The following FSTL5 variants were observed in gnomAD, a reference collection of about 807,000 sequenced individuals.
FSTL5 encodes follistatin-related protein 5.
In FSTL5, 62 loss-of-function variants were observed where a neutral mutation model predicts 89.1. The ratio of observed to expected loss-of-function variants is 0.70; its 90% CI spans 0.57 to 0.86. The LOEUF is 0.86. Among genes scored for constraint, FSTL5 ranks in the 40% least tolerant of loss-of-function variants. The pLI is 0.00. For missense variants in FSTL5, 1,057 were observed against 1,001.6 expected, an observed-to-expected ratio of 1.06 and a Z score of -0.75; for synonymous variants, 383 against 346.2, an observed-to-expected ratio of 1.11 and a Z score of -1.18.
chr4:161,962,320 A>C (rs1453397206), intron 3 of FSTL5, among the ~76,000 whole-genome samples: 1 of 151,962 alleles, frequency 6.6e-6, no homozygotes, highest in Non-Finnish European at 1.5e-5. Context: ...TGTCTCAGAA[A>C]CTTGCATGGC....
At chr4:161,829,341 G>GA (rs1012528004) in intron 4 of FSTL5, among the ~76,000 whole-genome samples, 4 of 149,654 alleles carry the variant, frequency 2.7e-5, no homozygotes, top group Admixed American at 6.7e-5. Flanking sequence ...AAAGCTAAAA[G>GA]AAAAAAAATG....
chr4:161,927,275 T>G (rs1201690171), intron 3 of FSTL5, among the ~76,000 whole-genome samples: 1 of 151,746 alleles, frequency 6.6e-6, no homozygotes, highest in Non-Finnish European at 1.5e-5. Context: ...TATTTCAGGC[T>G]TTGGAATAAA....
intron 7 of FSTL5, among the ~76,000 whole-genome samples, chr4:161,645,065 A>G (rs1736106222): frequency 6.6e-6 from 1 of 152,186 alleles, no homozygotes; most frequent in Admixed American, 6.5e-5. Flanking sequence ...TGCATATTCA[A>G]ATAAAAAAAT....
At chr4:161,882,135 T>C (rs2126911788) in intron 4 of FSTL5, among the ~76,000 whole-genome samples, 1 of 152,222 alleles carries the variant, frequency 6.6e-6, no homozygotes, top group South Asian at 2.1e-4. Flanking sequence ...ATACTCAATC[T>C]AATATATTAA....
intron 3 of FSTL5, among the ~76,000 whole-genome samples, chr4:161,992,039 C>T (rs1371835137): frequency 6.6e-6 from 1 of 152,030 alleles, no homozygotes; most frequent in Non-Finnish European, 1.5e-5. Flanking sequence ...ATCAAGGAGG[C>T]GGTGTGGCAG....
chr4:161,550,954 G>A (rs1207250100), intron 8 of FSTL5, among the ~76,000 whole-genome samples: 24 of 151,598 alleles, frequency 1.6e-4, no homozygotes, highest in African/African-American at 5.8e-4. Flanking sequence ...TGGTGTATAT[G>A]TGCCACATTT....
chr4:161,692,349 T>TGTGC (rs1225841458), intron 6 of FSTL5, among the ~76,000 whole-genome samples: 2 of 151,512 alleles, frequency 1.3e-5, no homozygotes, highest in Non-Finnish European at 2.9e-5. Flanking sequence ...ATCGTGTGTG[T>TGTGC]GTGTGTGTGT....
intron 4 of FSTL5, among the ~76,000 whole-genome samples, chr4:161,854,685 C>G (rs142405288): frequency 4.5e-4 from 68 of 152,122 alleles, no homozygotes; most frequent in African/African-American, 1.6e-3. Context: ...AAAATACTAG[C>G]TGGCTTCATG....
chr4:161,838,345 C>A (rs1287053677), intron 4 of FSTL5, among the ~76,000 whole-genome samples: 1 of 152,188 alleles, frequency 6.6e-6, no homozygotes, highest in Non-Finnish European at 1.5e-5. Context: ...GAGGCGTGAT[C>A]TCAGATCACT....
intron 5 of FSTL5, 82 bp downstream of exon 5, chr4:161,775,796 A>C: frequency 1.4e-6 from 1 of 699,428 alleles, no homozygotes; most frequent in Non-Finnish European, 2.2e-6. Flanking sequence ...ACATTTTTTC[A>C]TTATAGAGTA....
intron 4 of FSTL5, among the ~76,000 whole-genome samples, chr4:161,793,258 T>A (rs1305175673): frequency 6.6e-6 from 1 of 152,148 alleles, no homozygotes; most frequent in East Asian, 1.9e-4. Context: ...GGCTCACCCT[T>A]GGCAGGTATG....
chr4:161,496,252 C>T (rs1369019213), intron 12 of FSTL5, among the ~76,000 whole-genome samples: 1 of 152,084 alleles, frequency 6.6e-6, no homozygotes, highest in Non-Finnish European at 1.5e-5. Context: ...AGAATACAAA[C>T]ACTAATCAAA....
At chr4:161,889,774 T>C (rs1732928452) in intron 4 of FSTL5, among the ~76,000 whole-genome samples, 1 of 152,240 alleles carries the variant, frequency 6.6e-6, no homozygotes, top group Admixed American at 6.5e-5. Flanking sequence ...TGAAACATGA[T>C]AGAAACTTGT....
At chr4:161,750,113 T>C (rs1267198843) in intron 6 of FSTL5, among the ~76,000 whole-genome samples, 1 of 152,194 alleles carries the variant, frequency 6.6e-6, no homozygotes, top group Non-Finnish European at 1.5e-5. Flanking sequence ...TTCATTTTAG[T>C]ATATGTTTTT....
chr4:161,543,414 A>T (rs1463638881), intron 8 of FSTL5, among the ~76,000 whole-genome samples: 1 of 152,048 alleles, frequency 6.6e-6, no homozygotes, highest in Non-Finnish European at 1.5e-5. Flanking sequence ...AGAAAAACAA[A>T]GGTACAGTGT....
At chr4:161,898,355 T>C (rs1334992594) in intron 4 of FSTL5, among the ~76,000 whole-genome samples, 3 of 151,678 alleles carry the variant, frequency 2.0e-5, no homozygotes, top group African/African-American at 7.2e-5. Flanking sequence ...CTATAAACAC[T>C]TGAGTGCAGG....
In FSTL5 at chr4:161,529,816, TTCTA is replaced by T. The variant is rs1324585865; in HGVS notation, c.1312+8346_1312+8349del. On this transcript the variant is annotated intron_variant, in intron 10 of 15. Transcript: ENST00000306100. ...TATGGATTTTTGCTGTATGTTATTATTCTATCTATCTCACAGTTATTGAGTGTAA... is the reference window on the plus strand; with the variant it reads ...TATGGATTTTTGCTGTATGTTATTATTCTATCTCACAGTTATTGAGTGTAA... Among the ~76,000 whole-genome samples, 3 of 142,904 alleles carry T rather than the reference TTCTA, an allele frequency of 2.1e-5. 1 individual carries two copies. The highest frequency in any genetic ancestry group is 4.6e-5 in the Non-Finnish European group (3 of 65,120). The allele number at this position is 142,904 out of a possible 152,430, so 93.8% of individuals were successfully genotyped here. A position where few individuals can be genotyped will look rare whatever the true frequency, so the allele number is the denominator to read the frequency against.
At chr4:161,745,346 A>C (rs576356720) in intron 6 of FSTL5, among the ~76,000 whole-genome samples, 4 of 152,188 alleles carry the variant, frequency 2.6e-5, no homozygotes, top group African/African-American at 9.6e-5. Context: ...TATTTTGTAC[A>C]TCTGTAACTA....
chr4:161,520,377 A>G (rs1471383022), intron 10 of FSTL5, among the ~76,000 whole-genome samples: 3 of 151,624 alleles, frequency 2.0e-5, no homozygotes, highest in Non-Finnish European at 4.4e-5. Context: ...AATATAAAAT[A>G]AAATAGCCCA....
Sources: gnomAD v4.1 joint callset for allele counts (sites outside exome capture counted in the v4.1 genomes callset) on GRCh38, gnomAD v4.1.1 for gene constraint, MANE v1.5 for transcripts, NCBI Gene and HGNC (gene_info 2026-07-23, HGNC 2026-07-21) for gene names.